The following TNKS variants were observed in gnomAD, a reference collection of about 807,000 sequenced individuals.
TNKS encodes the protein poly [ADP-ribose] polymerase tankyrase-1.
In TNKS, 72 loss-of-function variants were observed where a neutral mutation model predicts 135.8. That is an observed-to-expected ratio of 0.53 (90% confidence interval 0.44 to 0.64). TNKS has a LOEUF of 0.64. Ranked by LOEUF, TNKS falls within the 30% of genes least tolerant of loss-of-function variation. The probability of loss-of-function intolerance (pLI) is 0.00; values close to 1 mark genes in which losing one functional copy is unlikely to be tolerated. For missense variants in TNKS, 1,769 were observed against 1,674.0 expected, an observed-to-expected ratio of 1.06 and a Z score of -0.99; for synonymous variants, 849 against 649.3, an observed-to-expected ratio of 1.31 and a Z score of -4.68.
intron 3 of TNKS, among the ~76,000 whole-genome samples, chr8:9,626,529 G>C (rs1011286402): frequency 5.9e-5 from 9 of 152,184 alleles, no homozygotes; most frequent in African/African-American, 2.2e-4. Flanking sequence ...TATTCAGTTT[G>C]AGATCTTCAT....
chr8:9,703,158 T>C (rs185428416), intron 5 of TNKS, among the ~76,000 whole-genome samples: 2 of 152,292 alleles, frequency 1.3e-5, no homozygotes, highest in African/African-American at 4.8e-5. Flanking sequence ...ACCCTATATA[T>C]GGTTTTTTGA....
At chr8:9,670,980 A>G (rs1802245643) in intron 3 of TNKS, 1 of 152,246 alleles carries the variant, frequency 6.6e-6, no homozygotes, top group African/African-American at 2.4e-5. Flanking sequence ...TTTAATGCAG[A>G]TAACAAGTGA....
intron 5 of TNKS, among the ~76,000 whole-genome samples, chr8:9,689,067 G>A (rs1228742740): frequency 6.6e-6 from 1 of 152,140 alleles, no homozygotes; most frequent in East Asian, 1.9e-4. Flanking sequence ...CATATTGGGG[G>A]TTGGGGCTTC....
chr8:9,765,254 A>G (rs1452716147), intron 23 of TNKS, among the ~76,000 whole-genome samples: 1 of 152,188 alleles, frequency 6.6e-6, no homozygotes, highest in African/African-American at 2.4e-5. Context: ...GGGTATCATA[A>G]AGATGAATAA....
At chr8:9,767,541 T>G (rs961030623) in intron 25 of TNKS, among the ~76,000 whole-genome samples, 1 of 152,218 alleles carries the variant, frequency 6.6e-6, no homozygotes, top group South Asian at 2.1e-4. Flanking sequence ...ATTGTGATTA[T>G]TGACCTTAAA....
At chr8:9,663,419 T>C (rs544746472) in intron 3 of TNKS, among the ~76,000 whole-genome samples, 1 of 152,336 alleles carries the variant, frequency 6.6e-6, no homozygotes, top group Admixed American at 6.5e-5. Flanking sequence ...GAAACCTCTT[T>C]TTTGTTTTAC....
chr8:9,587,819 G>C (rs574695115), intron 2 of TNKS, among the ~76,000 whole-genome samples: 2 of 152,106 alleles, frequency 1.3e-5, no homozygotes, highest in Non-Finnish European at 2.9e-5. Flanking sequence ...AATTTGTTAC[G>C]GCAGCAATAG....
chr8:9,571,107 C>A (rs1797740000), intron 1 of TNKS, among the ~76,000 whole-genome samples: 2 of 152,102 alleles, frequency 1.3e-5, no homozygotes, highest in Non-Finnish European at 2.9e-5. Flanking sequence ...TATGTTTAAC[C>A]TTTTCCTCCC....
intron 11 of TNKS, among the ~76,000 whole-genome samples, chr8:9,712,274 G>A (rs1267238449): frequency 4.6e-5 from 7 of 152,162 alleles, no homozygotes; most frequent in Non-Finnish European, 8.8e-5. Context: ...GAGGCCAGGA[G>A]TTCGACACCA....
chr8:9,693,104 T>G (rs1351559274), intron 5 of TNKS, among the ~76,000 whole-genome samples: 2 of 152,234 alleles, frequency 1.3e-5, no homozygotes, highest in African/African-American at 4.8e-5. Context: ...ATGTAATATT[T>G]TATTTTTAGA....
intron 11 of TNKS, among the ~76,000 whole-genome samples, chr8:9,711,766 T>A (rs896900679): frequency 1.3e-5 from 2 of 152,218 alleles, no homozygotes; most frequent in Non-Finnish European, 2.9e-5. Context: ...AAAGAAACTT[T>A]AAAAAATGAA....
intron 2 of TNKS, among the ~76,000 whole-genome samples, chr8:9,586,481 C>T (rs890846647): frequency 3.3e-5 from 5 of 151,750 alleles, no homozygotes; most frequent in African/African-American, 1.2e-4. Context: ...TTTTATGATT[C>T]TGCTGAGAGA....
chr8:9,574,798 T>C (rs1362438880), intron 1 of TNKS, among the ~76,000 whole-genome samples: 1 of 152,154 alleles, frequency 6.6e-6, no homozygotes, highest in African/African-American at 2.4e-5. Flanking sequence ...TTTTGGCCAA[T>C]GAACTATGTA....
chr8:9,648,602 A>C (rs1343263999), intron 3 of TNKS, among the ~76,000 whole-genome samples: 1 of 152,190 alleles, frequency 6.6e-6, no homozygotes, highest in South Asian at 2.1e-4. Flanking sequence ...TATGTGCAAT[A>C]CTTTTATACA....
At chr8:9,656,857 C>A (rs1445932632) in intron 3 of TNKS, among the ~76,000 whole-genome samples, 1 of 138,966 alleles carries the variant, frequency 7.2e-6, no homozygotes. Flanking sequence ...ATCTGTTTAA[C>A]AAAGCACATC....
At chr8:9,610,015 G>T (rs28610188) in intron 2 of TNKS, among the ~76,000 whole-genome samples, 25,631 of 151,828 alleles carry the variant, frequency 0.17, 2,396 homozygotes, top group East Asian at 0.29. Context: ...CCGCCACCAC[G>T]CCTGGCTAAT....
chr8:9,584,164 TAAAAAAAAAAA>T (rs34977301), intron 2 of TNKS, among the ~76,000 whole-genome samples: 1 of 114,446 alleles, frequency 8.7e-6, no homozygotes, highest in East Asian at 2.5e-4. Context: ...ACTCTGTCTT[TAAAAAAAAAAA>T]AAAAAAAAAA....
intron 15 of TNKS, among the ~76,000 whole-genome samples, 177 bp from the exon 16 acceptor site, chr8:9,734,688 T>A (rs1805601607): frequency 6.6e-6 from 1 of 152,202 alleles, no homozygotes; most frequent in East Asian, 1.9e-4. Context: ...GTATTAATAG[T>A]TAGAAAGCTG....
intron 5 of TNKS, among the ~76,000 whole-genome samples, chr8:9,693,062 G>A (rs1218417451): frequency 6.6e-6 from 1 of 152,114 alleles, no homozygotes; most frequent in Non-Finnish European, 1.5e-5. Context: ...TGTGTTTATT[G>A]TATTTTCCTA....
Sources: allele counts gnomAD v4.1 joint callset (sites outside exome capture counted in the v4.1 genomes callset), GRCh38; gene constraint gnomAD v4.1.1; transcripts MANE v1.5; gene names NCBI Gene and HGNC (gene_info 2026-07-23, HGNC 2026-07-21).